Variants in RIPOR2 observed in about 807,000 individuals in gnomAD.
RIPOR2 encodes rho family-interacting cell polarization regulator 2.
In RIPOR2, 39 loss-of-function variants were observed where a neutral mutation model predicts 114.5. The observed-to-expected ratio is 0.34, with a 90% CI of 0.26 to 0.44. RIPOR2 has a LOEUF of 0.44. Ranked by LOEUF, RIPOR2 falls within the 20% of genes least tolerant of loss-of-function variation. The pLI is 1.00. For synonymous variants in RIPOR2, 445 were observed against 484.4 expected, an observed-to-expected ratio of 0.92 and a Z score of 1.07; for missense variants, 1,007 against 1,255.1, an observed-to-expected ratio of 0.80 and a Z score of 2.99.
chr6:24,847,613 G>T, intron 12 of RIPOR2: 1 of 1,551,706 alleles, frequency 6.4e-7, no homozygotes, highest in South Asian at 1.2e-5. Context: ...CTGCGGTGCA[G>T]CTTGGCAAAG....
At chr6:24,972,501 A>C (rs387070) in intron 1 of RIPOR2, among the ~76,000 whole-genome samples, 125,368 of 152,096 alleles carry the variant, frequency 0.82, 54,423 homozygotes, top group East Asian at 0.96. Flanking sequence ...AGGCATTATG[A>C]CATTTACCCT....
At chr6:24,921,609 T>C (rs1052665482) in intron 1 of RIPOR2, among the ~76,000 whole-genome samples, 2 of 152,094 alleles carry the variant, frequency 1.3e-5, no homozygotes, top group Admixed American at 1.3e-4. Flanking sequence ...CCATGTCCTA[T>C]TCTGCCCACC....
chr6:24,987,402 T>C (rs1221203776), intron 1 of RIPOR2, among the ~76,000 whole-genome samples: 2 of 152,224 alleles, frequency 1.3e-5, no homozygotes, highest in Admixed American at 1.3e-4. Flanking sequence ...GACATATGAC[T>C]GACGGGTGGT....
At chr6:24,830,777 A>G in intron 16 of RIPOR2, 107 bp from the exon 17 acceptor site, 18 of 1,171,590 alleles carry the variant, frequency 1.5e-5, no homozygotes, top group Non-Finnish European at 1.9e-5. Flanking sequence ...GTGCAATGGC[A>G]TGATCTCAGC....
chr6:24,890,414 T>C (rs1767241014), intron 1 of RIPOR2, among the ~76,000 whole-genome samples: 1 of 152,150 alleles, frequency 6.6e-6, no homozygotes, highest in Non-Finnish European at 1.5e-5. Context: ...AGACAAATAC[T>C]GCATGTTCTC....
chr6:24,861,378 ATAATCACC>A (rs1764057260), intron 7 of RIPOR2, among the ~76,000 whole-genome samples: 3 of 152,266 alleles, frequency 2.0e-5, no homozygotes, highest in Non-Finnish European at 4.4e-5. Context: ...CTAGACAAAC[ATAATCACC>A]AAATGTAACA....
At chr6:25,025,424 T>C (rs1776564598) in intron 1 of RIPOR2, among the ~76,000 whole-genome samples, 1 of 152,134 alleles carries the variant, frequency 6.6e-6, no homozygotes, top group Admixed American at 6.5e-5. Flanking sequence ...AGGGGAATGC[T>C]GGGTGCGTGA....
At chr6:24,918,165 C>A (rs1423086985) in intron 1 of RIPOR2, among the ~76,000 whole-genome samples, 1 of 152,224 alleles carries the variant, frequency 6.6e-6, no homozygotes, top group African/African-American at 2.4e-5. Flanking sequence ...TGGCTCCTCC[C>A]TATGAGGTCA....
At chr6:25,024,012 C>G in intron 1 of RIPOR2, 1 of 750,380 alleles carries the variant, frequency 1.3e-6, no homozygotes, top group Middle Eastern at 3.7e-4. Context: ...CGTATTCCAT[C>G]AGGTCATTAC....
intron 1 of RIPOR2, among the ~76,000 whole-genome samples, chr6:24,964,161 G>GTGTGTA (rs1773425554): frequency 1.3e-5 from 2 of 151,820 alleles, no homozygotes; most frequent in East Asian, 3.9e-4. Context: ...GTGTGTGTGT[G>GTGTGTA]TGTGTGTGTG....
chr6:25,018,230 G>A (rs758689702), intron 1 of RIPOR2, among the ~76,000 whole-genome samples: 29 of 152,176 alleles, frequency 1.9e-4, no homozygotes, highest in Non-Finnish European at 3.8e-4. Context: ...CAGTATCTTG[G>A]CTAGCTCAGA....
chr6:24,819,937 T>C (rs1351488282), intron 19 of RIPOR2, among the ~76,000 whole-genome samples: 1 of 152,116 alleles, frequency 6.6e-6, no homozygotes, highest in East Asian at 1.9e-4. Context: ...TTGAAGAGAA[T>C]TGAGGGTGGA....
intron 1 of RIPOR2, among the ~76,000 whole-genome samples, chr6:24,929,816 G>A (rs778786228): frequency 3.9e-5 from 6 of 152,206 alleles, no homozygotes; most frequent in Non-Finnish European, 7.4e-5. Context: ...GCTTACGCTT[G>A]TAATCCCAGC....
chr6:24,806,085 G>A lies in RIPOR2; in HGVS notation c.*288C>T. 1 of 329,114 alleles carries A rather than the reference G, an allele frequency of 3.0e-6. No homozygotes were observed. The highest frequency in any genetic ancestry group is 5.5e-6 in the Non-Finnish European group (1 of 180,652). The allele number at this position is 329,114 out of a possible 1,614,324, so 20.4% of individuals were successfully genotyped here. ...CCACCTTAGCCTCCCAAGTAGCTGGGACTACAGGTGCATGCCACCACGCCT... is the reference window on the plus strand; with the variant it reads ...CCACCTTAGCCTCCCAAGTAGCTGGAACTACAGGTGCATGCCACCACGCCT... On this transcript the variant is annotated 3_prime_UTR_variant, in exon 22 of 22. Transcript: ENST00000643898.
Position 24,850,588 on chromosome 6 carries a change from ATAC to A in RIPOR2, c.885+6_885+8del. On this transcript the variant is annotated splice_donor_region_variant and intron_variant, in intron 10 of 21. Coordinates refer to ENST00000643898, the MANE Select transcript of RIPOR2 (RefSeq NM_001286445.3). ...CCAGGAAAGACAACAGGCAATGACA[ATAC>A]TGTACCTTGATGGAGATGAACCCAA... The A allele has an allele frequency of 6.2e-7, 1 of 1,613,922 alleles. No individual in the cohort carries two copies. Among genetic ancestry groups the A allele is most frequent in the African/African-American group, 1.3e-5 (1 of 75,062 alleles).
chr6:24,891,848 C>A (rs1767393689), intron 1 of RIPOR2, among the ~76,000 whole-genome samples: 1 of 152,014 alleles, frequency 6.6e-6, no homozygotes, highest in African/African-American at 2.4e-5. Context: ...GAGTTACATC[C>A]ATTCTTATTT....
chr6:25,003,247 A>C (rs1450588714), intron 1 of RIPOR2, among the ~76,000 whole-genome samples: 1 of 152,180 alleles, frequency 6.6e-6, no homozygotes, highest in Non-Finnish European at 1.5e-5. Context: ...CAATCATGGA[A>C]GAAAATGCAG....
intron 1 of RIPOR2, among the ~76,000 whole-genome samples, chr6:25,003,560 G>T (rs1435715142): frequency 6.6e-6 from 1 of 151,924 alleles, no homozygotes; most frequent in African/African-American, 2.4e-5. Context: ...CTCCCAAGTA[G>T]CTGGGACTAC....
chr6:24,991,326 G>T (rs76412442), intron 1 of RIPOR2, among the ~76,000 whole-genome samples: 2,759 of 152,146 alleles, frequency 0.018, 72 homozygotes, highest in African/African-American at 0.06. Flanking sequence ...ATCTCTTCTT[G>T]CTATGTATTT....
Sources: allele counts gnomAD v4.1 joint callset (sites outside exome capture counted in the v4.1 genomes callset), GRCh38; gene constraint gnomAD v4.1.1; transcripts MANE v1.5; gene names NCBI Gene and HGNC (gene_info 2026-07-23, HGNC 2026-07-21).